The following GLRA3 variants were observed in gnomAD, a reference collection of about 807,000 sequenced individuals.
The protein encoded by GLRA3 is glycine receptor alpha 3, also known as glycine receptor subunit alpha-3.
Under a neutral mutation model 60.4 loss-of-function variants are expected in GLRA3, and 44 were observed. That is an observed-to-expected ratio of 0.73 (90% CI 0.57 to 0.94). GLRA3 has a LOEUF of 0.94. Among genes scored for constraint, GLRA3 ranks in the 40% least tolerant of loss-of-function variants. The pLI is 0.00. For synonymous variants in GLRA3, 223 were observed against 192.9 expected (o/e 1.16, Z -1.29); for missense variants, 508 against 564.6 (o/e 0.90, Z 1.02).
Position 174,766,957 on chromosome 4 carries a change from G to A in GLRA3, c.267+6C>T. On this transcript the variant is annotated splice_donor_region_variant and intron_variant, in intron 3 of 9. Transcript: ENST00000274093. Reference sequence around the variant, plus strand: ...TGTGAAACTTGTTGCAAAGTAAAATGCCTACCATGGTCGTCTCTGCGATAG... The same window carrying A: ...TGTGAAACTTGTTGCAAAGTAAAATACCTACCATGGTCGTCTCTGCGATAG... The A allele has an allele frequency of 6.6e-7, 1 of 1,513,352 alleles. No individual in the cohort carries two copies. The highest frequency in any genetic ancestry group is 9.1e-7 in the Non-Finnish European group (1 of 1,093,824). The allele number at this position is 1,513,352 out of a possible 1,614,324, so 93.7% of individuals were successfully genotyped here.
intron 3 of GLRA3, among the ~76,000 whole-genome samples, chr4:174,757,639 A>C (rs1410684728): frequency 6.6e-6 from 1 of 152,242 alleles, no homozygotes; most frequent in Non-Finnish European, 1.5e-5. Context: ...TAAATGTGCA[A>C]GAGTCTATAT....
intron 3 of GLRA3, among the ~76,000 whole-genome samples, chr4:174,729,097 G>A (rs959559343): frequency 6.6e-6 from 1 of 152,158 alleles, no homozygotes; most frequent in Non-Finnish European, 1.5e-5. Flanking sequence ...CATGTCTTCA[G>A]TGACCTATAT....
At chr4:174,731,466 T>C (rs1479900665) in intron 3 of GLRA3, among the ~76,000 whole-genome samples, 2 of 152,180 alleles carry the variant, frequency 1.3e-5, no homozygotes, top group Non-Finnish European at 2.9e-5. Flanking sequence ...ACACATTTTG[T>C]ATATGGCAAA....
At chr4:174,677,040 T>G in intron 7 of GLRA3, 38 bp downstream of exon 7, 1 of 1,175,444 alleles carries the variant, frequency 8.5e-7, no homozygotes, top group Non-Finnish European at 1.3e-6. Flanking sequence ...TTTATAAGTG[T>G]GTGTGCAAAG....
rs201806454 is a variant in GLRA3 at position 174,692,947 on chromosome 4, T to A, written c.575-10008A>T. 4.5e-3 allele frequency among the ~76,000 whole-genome samples: 644 copies of A among 142,504 alleles called. 6 individuals are homozygous for A. Among genetic ancestry groups the A allele is most frequent in the African/African-American group, 0.014 (533 of 39,292 alleles). 93.5% of individuals were successfully genotyped at this position (142,504 alleles called of 152,430 possible). On this transcript the variant is annotated intron_variant, in intron 5 of 9. Coordinates refer to ENST00000274093, the MANE Select transcript of GLRA3 (RefSeq NM_006529.4). ...CCAAAAATGATCAATAAAAAAAAAA[T>A]AAAAAAAAAAAAAGAAAAGTGTCTG...
intron 5 of GLRA3, among the ~76,000 whole-genome samples, chr4:174,710,116 T>TA (rs1424309101): frequency 6.6e-6 from 1 of 152,058 alleles, no homozygotes; most frequent in Admixed American, 6.6e-5. Context: ...CCAGTTTTTC[T>TA]AAAACTTGAT....
At chr4:174,699,585 G>GT (rs1288524403) in intron 5 of GLRA3, among the ~76,000 whole-genome samples, 1 of 152,056 alleles carries the variant, frequency 6.6e-6, no homozygotes, top group African/African-American at 2.4e-5. Flanking sequence ...GAGGACTACT[G>GT]TAATAATAAA....
intron 1 of GLRA3, among the ~76,000 whole-genome samples, chr4:174,805,811 G>T (rs1466002854): frequency 1.3e-5 from 2 of 152,110 alleles, no homozygotes; most frequent in Non-Finnish European, 2.9e-5. Flanking sequence ...GGATATTATA[G>T]AAGTTGGGTC....
intron 2 of GLRA3, among the ~76,000 whole-genome samples, chr4:174,783,986 C>T (rs1490998746): frequency 1.3e-5 from 2 of 150,330 alleles, no homozygotes; most frequent in Non-Finnish European, 3.0e-5. Flanking sequence ...ACCCAAAGGA[C>T]TATAAATCAT....
At chr4:174,811,223 A>T (rs571275641) in intron 1 of GLRA3, among the ~76,000 whole-genome samples, 2 of 150,194 alleles carry the variant, frequency 1.3e-5, no homozygotes, top group Non-Finnish European at 3.0e-5. Context: ...TAAACAGGGA[A>T]TTTGCTCTGA....
intron 1 of GLRA3, among the ~76,000 whole-genome samples, chr4:174,813,129 TAA>T (rs544222277): frequency 3.9e-5 from 6 of 152,302 alleles, no homozygotes; most frequent in African/African-American, 4.8e-5. Flanking sequence ...AAGAATTTTT[TAA>T]AAGAGTCAAA....
chr4:174,738,905 T>C (rs935791196), intron 3 of GLRA3, among the ~76,000 whole-genome samples: 1 of 152,214 alleles, frequency 6.6e-6, no homozygotes, highest in African/African-American at 2.4e-5. Context: ...CACCATCTCA[T>C]AGGCAAGGTC....
At chr4:174,676,677 C>G (rs986560331) in intron 7 of GLRA3, among the ~76,000 whole-genome samples, 2 of 151,994 alleles carry the variant, frequency 1.3e-5, no homozygotes, top group East Asian at 3.9e-4. Flanking sequence ...ATTATAGTAT[C>G]AGTCCTAAGA....
intron 1 of GLRA3, among the ~76,000 whole-genome samples, chr4:174,818,762 A>T (rs1016439700): frequency 6.6e-6 from 1 of 152,210 alleles, no homozygotes; most frequent in Non-Finnish European, 1.5e-5. Context: ...AGGCAAGTTA[A>T]GGACTCAGAG....
chr4:174,760,813 T>A lies in GLRA3; in HGVS notation c.267+6150A>T, dbSNP rs144200411. Among the ~76,000 whole-genome samples, 699 of 152,264 alleles carry A rather than the reference T, an allele frequency of 4.6e-3. 6 individuals carry two copies. Among genetic ancestry groups the A allele is most frequent in the African/African-American group, 0.016 (668 of 41,558 alleles). ...GAGATGATCTGTAGTATTGAAAACA[T>A]TAGAAACAACCTACATGTCTAGCAA... is the stretch of plus-strand genomic sequence containing the variant. On this transcript the variant is annotated intron_variant, in intron 3 of 9. Transcript: ENST00000274093.
intron 4 of GLRA3, among the ~76,000 whole-genome samples, chr4:174,719,880 G>T (rs776672489): frequency 5.9e-5 from 9 of 152,040 alleles, no homozygotes; most frequent in Non-Finnish European, 1.0e-4. Flanking sequence ...TGAATAAACA[G>T]CACTTAAAAA....
chr4:174,660,652 C>T (rs1264630374), intron 7 of GLRA3, among the ~76,000 whole-genome samples: 3 of 152,154 alleles, frequency 2.0e-5, no homozygotes, highest in South Asian at 2.1e-4. Context: ...TTTTAACATT[C>T]GTTGATGATT....
At chr4:174,770,732 T>C (rs1228656817) in intron 2 of GLRA3, among the ~76,000 whole-genome samples, 2 of 152,086 alleles carry the variant, frequency 1.3e-5, no homozygotes, top group African/African-American at 2.4e-5. Flanking sequence ...TAGTTACTAA[T>C]GAACATTTTA....
intron 1 of GLRA3, among the ~76,000 whole-genome samples, chr4:174,794,865 TCAC>T (rs1739499211): frequency 6.6e-6 from 1 of 152,064 alleles, no homozygotes; most frequent in Admixed American, 6.6e-5. Flanking sequence ...CATGACTAAT[TCAC>T]CAGGGGTGGG....
Sources: allele counts gnomAD v4.1 joint callset (sites outside exome capture counted in the v4.1 genomes callset), GRCh38; gene constraint gnomAD v4.1.1; transcripts MANE v1.5; gene names NCBI Gene and HGNC (gene_info 2026-07-23, HGNC 2026-07-21).